LTN1: variants seen among roughly 807,000 people sequenced by gnomAD.
LTN1 encodes the protein listerin E3 ubiquitin protein ligase 1.
Under a neutral mutation model 201.2 loss-of-function variants are expected in LTN1, and 88 were observed. That is an observed-to-expected ratio of 0.44 (90% CI 0.37 to 0.52). The LOEUF is 0.52. Among genes scored for constraint, LTN1 ranks in the 20% least tolerant of loss-of-function variants. The pLI is 0.00. For missense variants in LTN1, 1,752 were observed against 2,038.7 expected (o/e 0.86, Z 2.71); for synonymous variants, 645 against 713.5 (o/e 0.90, Z 1.53).
intron 17 of LTN1, among the ~76,000 whole-genome samples, chr21:28,952,672 T>C (rs1335325622): frequency 6.6e-6 from 1 of 152,198 alleles, no homozygotes; most frequent in Non-Finnish European, 1.5e-5. Context: ...TAGAATGCGA[T>C]TGGAAAGGAA....
At chr21:28,933,209 C>CA (rs11397716) in intron 27 of LTN1, among the ~76,000 whole-genome samples, 80,486 of 151,872 alleles carry the variant, frequency 0.53, 23,572 homozygotes, top group East Asian at 0.82. Context: ...ATCATGATAG[C>CA]TCATTTTAAA....
At chr21:28,984,661 AAAAT>A (rs756980892) in intron 4 of LTN1, 27 bp downstream of exon 4, 93 of 1,551,690 alleles carry the variant, frequency 6.0e-5, no homozygotes, top group Non-Finnish European at 3.8e-5. Flanking sequence ...TTAAAAAAAA[AAAAT>A]AGATTCAGAA....
intron 21 of LTN1, 118 bp from the exon 22 acceptor site, chr21:28,944,714 T>C: frequency 1.4e-6 from 1 of 717,176 alleles, no homozygotes; most frequent in East Asian, 2.7e-5. Context: ...GAAAAGCAGT[T>C]GAGGTGTGTA....
In LTN1 at chr21:28,928,503, A is replaced by C. The variant is rs1388035189; in HGVS notation, c.*1945T>G. 2.0e-5 allele frequency: 3 copies of C among 152,154 alleles called. No individual in the cohort carries two copies. The highest frequency in any genetic ancestry group is 7.2e-5 in the African/African-American group (3 of 41,436). The allele number at this position is 152,154 out of a possible 1,614,324, so 9.4% of individuals were successfully genotyped here. A position where few individuals can be genotyped will look rare whatever the true frequency, so the allele number is the denominator to read the frequency against. ...CAATTTTAAAATGTCCTTAAGCTAA[A>C]ATTTTAAGGGCTGTAATCCTTTTAG... On this transcript the variant is annotated 3_prime_UTR_variant, in exon 30 of 30. Transcript: ENST00000361371.
chr21:28,973,153 G>C (rs1042265626), intron 6 of LTN1, among the ~76,000 whole-genome samples: 1 of 151,768 alleles, frequency 6.6e-6, no homozygotes, highest in African/African-American at 2.4e-5. Flanking sequence ...TTCAAGACTG[G>C]GGTGGCCAAC....
At position 28,966,572 on chromosome 21, in the gene LTN1, C is replaced by T. The variant is rs760516642; in HGVS notation, c.1919G>A (p.Ser640Asn). The change falls in exon 10 of 30, where the codon AGT becomes AAT. Residue 640 changes from serine (S) to asparagine (N), a missense_variant. This residue lies in a region of LTN1 where 1,211 missense variants were observed against 1,312.8 expected (regional missense o/e 0.92). Coordinates refer to ENST00000361371, the MANE Select transcript of LTN1 (RefSeq NM_015565.3). The stretch of plus-strand genomic sequence containing the variant: ...TTCAAGAGGTTTGGCTTGGACAATA[C>T]TCTGTTTTTCATCACCAAGTAGCAT... The part of the protein sequence containing the change: ...FKMLLGDEKQ[S>N]IVQAKPLEIA... 6.2e-6 allele frequency: 10 copies of T among 1,614,128 alleles called. No individual in the cohort carries two copies. Among genetic ancestry groups the T allele is most frequent in the Admixed American group, 5.0e-5 (3 of 60,012 alleles).
At chr21:28,947,378 G>T in intron 19 of LTN1, 86 bp downstream of exon 19, 1 of 1,090,602 alleles carries the variant, frequency 9.2e-7, no homozygotes, top group Non-Finnish European at 1.3e-6. Flanking sequence ...ATTTACCTCT[G>T]CTAGATGTGG....
intron 14 of LTN1, among the ~76,000 whole-genome samples, chr21:28,957,757 A>G (rs1016509285): frequency 3.3e-5 from 5 of 152,164 alleles, no homozygotes; most frequent in Non-Finnish European, 7.4e-5. Context: ...AAATACAGCT[A>G]CCTTATGAAA....
chr21:28,959,370 T>G, intron 13 of LTN1, 88 bp downstream of exon 13: 4 of 1,456,688 alleles, frequency 2.7e-6, no homozygotes, highest in Non-Finnish European at 3.7e-6. Flanking sequence ...CACATTATAA[T>G]TCAATTAATA....
At chr21:28,932,170 A>G (rs950432468) in intron 28 of LTN1, among the ~76,000 whole-genome samples, 2 of 152,222 alleles carry the variant, frequency 1.3e-5, no homozygotes, top group Non-Finnish European at 2.9e-5. Context: ...CTCAGAAGGC[A>G]TTCATCTGTC....
chr21:28,974,471 T>C (rs1438889103), intron 6 of LTN1, among the ~76,000 whole-genome samples: 1 of 152,176 alleles, frequency 6.6e-6, no homozygotes, highest in African/African-American at 2.4e-5. Context: ...GAAATACAGA[T>C]GCATTTTAGA....
At chr21:28,948,899 C>T (rs1202621981) in intron 18 of LTN1, among the ~76,000 whole-genome samples, 1 of 152,104 alleles carries the variant, frequency 6.6e-6, no homozygotes, top group African/African-American at 2.4e-5. Flanking sequence ...AGGCTAAATT[C>T]CTAGAAGTGG....
At chr21:28,950,164 G>C (rs2146276557) in intron 18 of LTN1, among the ~76,000 whole-genome samples, 1 of 152,196 alleles carries the variant, frequency 6.6e-6, no homozygotes, top group South Asian at 2.1e-4. Flanking sequence ...TGAAATTATA[G>C]ATTGACACAA....
chr21:28,957,260 A>AATAAAAAT, intron 15 of LTN1, 72 bp downstream of exon 15: 1 of 1,387,040 alleles, frequency 7.2e-7, no homozygotes, highest in Non-Finnish European at 9.7e-7. Context: ...TCTTCCCCAA[A>AATAAAAAT]ATAAAAATAT....
At chr21:28,971,490 G>A (rs769839431) in intron 6 of LTN1, 46 bp from the exon 7 acceptor site, 71 of 1,558,668 alleles carry the variant, frequency 4.6e-5, no homozygotes, top group Non-Finnish European at 5.5e-5. Context: ...AGTAAAACTT[G>A]ATAAGATTTT....
chr21:28,946,046 T>A, intron 20 of LTN1, 95 bp from the exon 21 acceptor site: 1 of 1,416,206 alleles, frequency 7.1e-7, no homozygotes, highest in Non-Finnish European at 9.7e-7. Flanking sequence ...TATTTATAAC[T>A]GACTTAAATG....
chr21:28,976,952 A>C (rs1431413955), intron 6 of LTN1, among the ~76,000 whole-genome samples: 1 of 152,144 alleles, frequency 6.6e-6, no homozygotes, highest in African/African-American at 2.4e-5. Flanking sequence ...ATGGGGTCTA[A>C]CTATGTCATG....
intron 6 of LTN1, among the ~76,000 whole-genome samples, chr21:28,979,897 A>G (rs2084645318): frequency 6.6e-6 from 1 of 152,134 alleles, no homozygotes; most frequent in South Asian, 2.1e-4. Context: ...ACTCAAACCC[A>G]GGAGGCAGAG....
intron 29 of LTN1, 89 bp downstream of exon 29, chr21:28,931,066 G>GGTGTGTGTGTGT (rs10608923): frequency 5.5e-5 from 32 of 578,650 alleles, no homozygotes; most frequent in African/African-American, 4.4e-4. Flanking sequence ...ACATTGTGTA[G>GGTGTGTGTGTGT]GTGTGTGTGT....
Sources: allele counts gnomAD v4.1 joint callset (sites outside exome capture counted in the v4.1 genomes callset), GRCh38; gene constraint gnomAD v4.1.1; regional missense constraint gnomAD v4.1.1; transcripts MANE v1.5; gene names NCBI Gene and HGNC (gene_info 2026-07-23, HGNC 2026-07-21).